SLC2A13: variants seen among roughly 807,000 people sequenced by gnomAD.
The protein encoded by SLC2A13 is proton myo-inositol cotransporter.
A neutral mutation model predicts 64.4 loss-of-function variants in SLC2A13; 32 were observed. The observed-to-expected ratio is 0.50, with a 90% CI of 0.37 to 0.67. The LOEUF (loss-of-function observed/expected upper bound fraction) is 0.67. SLC2A13 is among the 30% of genes least tolerant of loss of function. The probability of loss-of-function intolerance (pLI) is 0.00; values close to 1 mark genes in which losing one functional copy is unlikely to be tolerated. For missense variants in SLC2A13, 743 were observed against 829.2 expected (o/e 0.90, Z 1.28); for synonymous variants, 338 against 327.1 (o/e 1.03, Z -0.36).
intron 4 of SLC2A13, among the ~76,000 whole-genome samples, chr12:39,920,561 A>G (rs939907484): frequency 1.3e-5 from 2 of 152,072 alleles, no homozygotes; most frequent in East Asian, 3.8e-4. Context: ...CATGTAGCAA[A>G]GCATCTGGTC....
intron 7 of SLC2A13, among the ~76,000 whole-genome samples, chr12:39,822,233 C>T (rs1011407954): frequency 5.3e-5 from 8 of 151,928 alleles, no homozygotes; most frequent in Admixed American, 1.3e-4. Context: ...CGTTTCCTGC[C>T]CAAGTGTTAA....
intron 3 of SLC2A13, among the ~76,000 whole-genome samples, chr12:40,023,864 GA>G (rs1947761510): frequency 1.3e-5 from 2 of 152,080 alleles, no homozygotes; most frequent in Admixed American, 1.3e-4. Flanking sequence ...ATGAAAACTG[GA>G]ACTATTTAGG....
At chr12:39,992,439 G>A (rs1474526933) in intron 3 of SLC2A13, among the ~76,000 whole-genome samples, 3 of 152,094 alleles carry the variant, frequency 2.0e-5, no homozygotes, top group Non-Finnish European at 4.4e-5. Flanking sequence ...TAGCAGGTTG[G>A]CTGAATTCTA....
At chr12:39,965,338 G>A (rs892405330) in intron 3 of SLC2A13, among the ~76,000 whole-genome samples, 1 of 152,096 alleles carries the variant, frequency 6.6e-6, no homozygotes, top group Non-Finnish European at 1.5e-5. Flanking sequence ...AATGCTATTG[G>A]ATTTCTATGA....
chr12:39,953,461 T>C (rs1484122108), intron 3 of SLC2A13, among the ~76,000 whole-genome samples: 1 of 152,118 alleles, frequency 6.6e-6, no homozygotes, highest in Non-Finnish European at 1.5e-5. Flanking sequence ...GCAGTAAAAC[T>C]TCCTTTACAA....
intron 4 of SLC2A13, among the ~76,000 whole-genome samples, chr12:39,928,851 ACT>A (rs1945773741): frequency 6.6e-6 from 1 of 152,186 alleles, no homozygotes; most frequent in Non-Finnish European, 1.5e-5. Context: ...TGTATGACAG[ACT>A]CTGGAAAGTC....
chr12:39,826,530 G>T (rs1183645733), intron 7 of SLC2A13, among the ~76,000 whole-genome samples: 1 of 146,688 alleles, frequency 6.8e-6, no homozygotes, highest in Non-Finnish European at 1.5e-5. Context: ...CATATTTTAA[G>T]AGTTTACTCT....
At chr12:39,935,609 T>C (rs1945904716) in intron 4 of SLC2A13, among the ~76,000 whole-genome samples, 1 of 152,186 alleles carries the variant, frequency 6.6e-6, no homozygotes, top group African/African-American at 2.4e-5. Flanking sequence ...AATAGACACA[T>C]CTGCAGTTAT....
chr12:39,974,235 C>A (rs539966464), intron 3 of SLC2A13, among the ~76,000 whole-genome samples: 42 of 152,312 alleles, frequency 2.8e-4, no homozygotes, highest in Non-Finnish European at 5.3e-4. Context: ...ACTACTACAG[C>A]TAGAACTTAG....
At chr12:39,762,210 A>AT (rs1303549740) in intron 9 of SLC2A13, among the ~76,000 whole-genome samples, 1 of 152,070 alleles carries the variant, frequency 6.6e-6, no homozygotes, top group African/African-American at 2.4e-5. Flanking sequence ...GGTCCATGTC[A>AT]TGGTCAAATC....
At chr12:39,980,360 T>C (rs1399524935) in intron 3 of SLC2A13, among the ~76,000 whole-genome samples, 1 of 152,066 alleles carries the variant, frequency 6.6e-6, no homozygotes, top group Non-Finnish European at 1.5e-5. Context: ...TATTCTCCAA[T>C]TAAAAGACAC....
chr12:39,818,323 ATCGG>A (rs768477879), intron 7 of SLC2A13, among the ~76,000 whole-genome samples: 101,777 of 151,408 alleles, frequency 0.67, 34,799 homozygotes, highest in African/African-American at 0.79. Context: ...TTAAATACTG[ATCGG>A]TACCTTCTTA....
At chr12:40,090,518 T>C (rs1190764709) in intron 1 of SLC2A13, among the ~76,000 whole-genome samples, 3 of 152,190 alleles carry the variant, frequency 2.0e-5, no homozygotes, top group African/African-American at 4.8e-5. Flanking sequence ...CTATTAACCA[T>C]AGCAGCAGCT....
At chr12:39,770,157 A>T (rs1378992200) in intron 7 of SLC2A13, among the ~76,000 whole-genome samples, 1 of 151,890 alleles carries the variant, frequency 6.6e-6, no homozygotes, top group African/African-American at 2.4e-5. Flanking sequence ...CTATTTTGGG[A>T]CCTATACCCT....
chr12:39,861,669 GA>G (rs888509263), intron 6 of SLC2A13, among the ~76,000 whole-genome samples: 4 of 152,020 alleles, frequency 2.6e-5, no homozygotes, highest in African/African-American at 7.2e-5. Context: ...TTATGGGTGT[GA>G]AAAAAAGAAA....
At chr12:39,967,379 G>C (rs1591959227) in intron 3 of SLC2A13, among the ~76,000 whole-genome samples, 1 of 152,100 alleles carries the variant, frequency 6.6e-6, no homozygotes, top group Admixed American at 6.6e-5. Context: ...CACAATTTAG[G>C]CAGAAGTGAA....
intron 7 of SLC2A13, among the ~76,000 whole-genome samples, chr12:39,823,922 T>C (rs1219836803): frequency 6.6e-6 from 1 of 152,204 alleles, no homozygotes; most frequent in Non-Finnish European, 1.5e-5. Context: ...ATTACTTCAA[T>C]TTTTTCCTAA....
At chr12:40,041,632 T>C (rs1364112322) in intron 2 of SLC2A13, among the ~76,000 whole-genome samples, 4 of 152,240 alleles carry the variant, frequency 2.6e-5, no homozygotes, top group African/African-American at 7.2e-5. Context: ...AAGACTAGTA[T>C]GCAGAAAGTG....
At chr12:40,054,667 C>T (rs1948308838) in intron 1 of SLC2A13, among the ~76,000 whole-genome samples, 1 of 152,258 alleles carries the variant, frequency 6.6e-6, no homozygotes, top group Non-Finnish European at 1.5e-5. Flanking sequence ...CACTACCACA[C>T]TGCCAAGCTG....
Sources: gnomAD v4.1 joint callset for allele counts (sites outside exome capture counted in the v4.1 genomes callset) on GRCh38, gnomAD v4.1.1 for gene constraint, MANE v1.5 for transcripts, NCBI Gene and HGNC (gene_info 2026-07-23, HGNC 2026-07-21) for gene names.